Variants in ATF3 observed in about 807,000 individuals in gnomAD.
ATF3 encodes the protein cyclic AMP-dependent transcription factor ATF-3.
Under a neutral mutation model 18.4 loss-of-function variants are expected in ATF3, and 10 were observed. The observed-to-expected ratio is 0.54, with a 90% CI of 0.34 to 0.92. ATF3 has a LOEUF of 0.92. Ranked by LOEUF, ATF3 falls within the 40% of genes least tolerant of loss-of-function variation. The probability of loss-of-function intolerance (pLI) is 0.02; values close to 1 mark genes in which losing one functional copy is unlikely to be tolerated. For missense variants in ATF3, 183 were observed against 222.3 expected, an observed-to-expected ratio of 0.82 and a Z score of 1.12; for synonymous variants, 78 against 87.9, an observed-to-expected ratio of 0.89 and a Z score of 0.63.
intron 1 of ATF3, among the ~76,000 whole-genome samples, chr1:212,599,594 T>A (rs1223102722): frequency 1.3e-5 from 2 of 152,190 alleles, no homozygotes; most frequent in Admixed American, 6.5e-5. Flanking sequence ...TTTCCATTAC[T>A]TTGATATCCC....
rs146539386 is a variant in ATF3, at chr1:212,602,028, T to G, written c.-4-12990T>G. ...GTGTATTGTTCCTTAATCCCATGAT[T>G]AAGGAAACAGATATAAATGAGGAAA... On this transcript the variant is annotated intron_variant, in intron 1 of 3. Transcript: ENST00000366981. 4.1e-3 allele frequency among the ~76,000 whole-genome samples: 624 copies of G among 152,216 alleles called. 4 individuals carry two copies. Among genetic ancestry groups the G allele is most frequent in the African/African-American group, 0.014 (598 of 41,510 alleles).
chr1:212,619,198 C>G lies in ATF3; in HGVS notation c.349-160C>G, dbSNP rs1195626985. ...TCTGAAGAAGAGGGTCTGCATTTTC[C>G]TAAACCCAGTGCTGCTCTCCCATCT... On this transcript the variant is annotated intron_variant, in intron 3 of 3. Transcript: ENST00000341491. This position sits in a 1 kb window ranked among gnomAD's most constrained non-coding sequence, Gnocchi z 4.4. 6.2e-7 allele frequency: 1 copy of G among 1,611,498 alleles called. No individual in the cohort carries two copies. The highest frequency in any genetic ancestry group is 1.7e-5 in the Admixed American group (1 of 59,796).
intron 1 of ATF3, among the ~76,000 whole-genome samples, chr1:212,590,954 T>G (rs1039264617): frequency 2.6e-5 from 4 of 152,326 alleles, no homozygotes; most frequent in Non-Finnish European, 5.9e-5. Context: ...TTCTTGTGCA[T>G]CTTTGCAAAG....
chr1:212,619,807 T>C lies in ATF3; in HGVS notation c.*252T>C, dbSNP rs994566860. ...GGCCTTAACACACTGGCCATTCTTA[T>C]GTTCCAGATGGCCCCCAGCTGGTGT... On this transcript the variant is annotated 3_prime_UTR_variant, in exon 4 of 4. Coordinates refer to ENST00000341491, the MANE Select transcript of ATF3 (RefSeq NM_001674.4). This position sits in a 1 kb window ranked among gnomAD's most constrained non-coding sequence, Gnocchi z 4.4. The C allele has an allele frequency of 2.4e-6, 1 of 410,958 alleles. No individual in the cohort carries two copies. Among genetic ancestry groups the C allele is most frequent in the African/African-American group, 2.0e-5 (1 of 49,010 alleles). 25.5% of individuals were successfully genotyped at this position (410,958 alleles called of 1,614,324 possible).
intron 1 of ATF3, among the ~76,000 whole-genome samples, chr1:212,593,875 A>G (rs183767743): frequency 1.3e-5 from 2 of 151,658 alleles, no homozygotes; most frequent in African/African-American, 4.9e-5. Flanking sequence ...TTTTCTGTAG[A>G]TCTTTAAAAC....
chr1:212,587,602 C>G (rs1350911119), intron 1 of ATF3, among the ~76,000 whole-genome samples: 1 of 152,198 alleles, frequency 6.6e-6, no homozygotes, highest in African/African-American at 2.4e-5. Context: ...AGAATATGAA[C>G]TTAAAACACA....
chr1:212,569,692 T>TTTTTTTTTTTTTTTTTTTTTTTGAG (rs1664445733), intron 1 of ATF3, among the ~76,000 whole-genome samples: 1 of 152,162 alleles, frequency 6.6e-6, no homozygotes, highest in African/African-American at 2.4e-5. Flanking sequence ...ACATAATTTT[T>TTTTTTTTTTTTTTTTTTTTTTTGAG]AATGATTGTA....
chr1:212,617,235 C>G (rs1201425065), intron 2 of ATF3, among the ~76,000 whole-genome samples: 2 of 152,190 alleles, frequency 1.3e-5, no homozygotes, highest in Non-Finnish European at 2.9e-5. Context: ...AGCCTTGGGA[C>G]CAGGTGTTGC....
intron 1 of ATF3, among the ~76,000 whole-genome samples, chr1:212,589,497 A>T (rs1237611458): frequency 6.6e-6 from 1 of 152,150 alleles, no homozygotes; most frequent in African/African-American, 2.4e-5. Context: ...TAAATAAAAA[A>T]GTTGGGGGAA....
intron 2 of ATF3, among the ~76,000 whole-genome samples, chr1:212,617,247 C>G (rs1204113601): frequency 6.6e-6 from 1 of 152,178 alleles, no homozygotes; most frequent in Non-Finnish European, 1.5e-5. Flanking sequence ...AGGTGTTGCT[C>G]CAGGTTCACT....
chr1:212,584,081 C>T (rs1664734912), intron 1 of ATF3, among the ~76,000 whole-genome samples: 1 of 151,986 alleles, frequency 6.6e-6, no homozygotes, highest in African/African-American at 2.4e-5. Context: ...ACAGGGTACT[C>T]ATAGTACTTG....
Position 212,618,863 on chromosome 1 carries a change from A to G in ATF3, c.349-495A>G. 1 of 746,454 alleles carries G rather than the reference A, an allele frequency of 1.3e-6. No homozygotes were observed. The highest frequency in any genetic ancestry group is 1.6e-5 in the South Asian group (1 of 60,632). 46.2% of individuals were successfully genotyped at this position (746,454 alleles called of 1,614,324 possible). On this transcript the variant is annotated intron_variant, in intron 3 of 3. Coordinates refer to ENST00000341491, the MANE Select transcript of ATF3 (RefSeq NM_001674.4). The surrounding 1 kb of genome is among the most constrained non-coding windows in gnomAD (Gnocchi z 4.4). ...TCCCTCCTCCAAATGTGGACAGGCC[A>G]TGACAGAGTCTTAGCCCAAGTCCCA...
upstream of ATF3, among the ~76,000 whole-genome samples, chr1:212,605,175 G>A (rs1438389516): frequency 1.3e-5 from 2 of 152,184 alleles, no homozygotes; most frequent in Non-Finnish European, 2.9e-5. Context: ...TGCATTAGGT[G>A]CTATTGTTAG....
chr1:212,579,533 G>C (rs1558226357), intron 1 of ATF3, among the ~76,000 whole-genome samples: 4 of 152,194 alleles, frequency 2.6e-5, no homozygotes. Context: ...GTTTAATCTG[G>C]AGCTTTGTTT....
intron 1 of ATF3, among the ~76,000 whole-genome samples, chr1:212,591,117 G>C (rs1664876662): frequency 6.6e-6 from 1 of 152,204 alleles, no homozygotes; most frequent in African/African-American, 2.4e-5. Flanking sequence ...TTTCTGGAGA[G>C]ATACATACTC....
chr1:212,617,718 A>G (rs1655188244), intron 2 of ATF3, among the ~76,000 whole-genome samples: 1 of 152,148 alleles, frequency 6.6e-6, no homozygotes, highest in Non-Finnish European at 1.5e-5. Flanking sequence ...GTGGCTAGGT[A>G]ATGATCCTGA....
intron 1 of ATF3, among the ~76,000 whole-genome samples, chr1:212,573,993 T>G (rs1314099760): frequency 6.6e-6 from 1 of 151,762 alleles, no homozygotes. Context: ...TTATTACTTT[T>G]TAAAAAAAGT....
At chr1:212,569,931 G>A (rs566192335) in intron 1 of ATF3, among the ~76,000 whole-genome samples, 1 of 152,056 alleles carries the variant, frequency 6.6e-6, no homozygotes, top group South Asian at 2.1e-4. Context: ...ATGAATCATA[G>A]TCTTTGATAT....
chr1:212,614,877 G>T, intron 1 of ATF3, 141 bp from the exon 2 acceptor site: 1 of 1,483,324 alleles, frequency 6.7e-7, no homozygotes. Context: ...GGCATGAAAT[G>T]AAAACAAAAC....
Sources: allele counts gnomAD v4.1 joint callset (sites outside exome capture counted in the v4.1 genomes callset), GRCh38; gene constraint gnomAD v4.1.1; non-coding constraint Gnocchi (gnomAD v3.1); transcripts MANE v1.5; gene names NCBI Gene and HGNC (gene_info 2026-07-23, HGNC 2026-07-21).